The following RSPO2 variants were observed in gnomAD, a reference collection of about 807,000 sequenced individuals.
RSPO2 encodes R-spondin 2.
A neutral mutation model predicts 30.9 loss-of-function variants in RSPO2; 14 were observed. The ratio of observed to expected loss-of-function variants is 0.45; its 90% CI spans 0.30 to 0.71. RSPO2 has a LOEUF of 0.71. Among genes scored for constraint, RSPO2 ranks in the 30% least tolerant of loss-of-function variants. RSPO2 has a pLI of 0.08. For missense variants in RSPO2, 264 were observed against 301.9 expected (o/e 0.87, Z 0.93); for synonymous variants, 107 against 96.4 (o/e 1.11, Z -0.64).
chr8:107,938,646 C>T (rs1251007328), intron 5 of RSPO2, among the ~76,000 whole-genome samples: 3 of 152,148 alleles, frequency 2.0e-5, no homozygotes, highest in African/African-American at 7.2e-5. Context: ...TCCCAAGAGG[C>T]ATATAACCTC....
intron 5 of RSPO2, among the ~76,000 whole-genome samples, chr8:107,940,341 A>C (rs1812859914): frequency 6.6e-6 from 1 of 152,186 alleles, no homozygotes; most frequent in Non-Finnish European, 1.5e-5. Flanking sequence ...CCAGAAATGC[A>C]AATTATTTCT....
At chr8:107,964,375 G>C (rs749165234) in intron 3 of RSPO2, among the ~76,000 whole-genome samples, 4 of 152,190 alleles carry the variant, frequency 2.6e-5, no homozygotes, top group Admixed American at 6.5e-5. Context: ...CCCAGTAGCT[G>C]AGATTACAGG....
intron 2 of RSPO2, among the ~76,000 whole-genome samples, chr8:108,080,772 C>T (rs142118433): frequency 8.5e-5 from 13 of 152,326 alleles, no homozygotes; most frequent in Non-Finnish European, 1.5e-4. Context: ...TAATAAGGAT[C>T]TGGCAAAGGA....
intron 3 of RSPO2, among the ~76,000 whole-genome samples, chr8:107,979,750 C>A (rs181924970): frequency 3.4e-4 from 51 of 152,096 alleles, no homozygotes; most frequent in African/African-American, 1.2e-3. Flanking sequence ...AATGAACCAC[C>A]TTCTGCTGGT....
At chr8:107,972,087 T>C (rs559459003) in intron 3 of RSPO2, among the ~76,000 whole-genome samples, 17 of 152,298 alleles carry the variant, frequency 1.1e-4, no homozygotes, top group East Asian at 9.6e-4. Flanking sequence ...CAGATGATGA[T>C]AGATGTATCT....
At chr8:108,001,433 T>G (rs761823209) in intron 2 of RSPO2, among the ~76,000 whole-genome samples, 5 of 152,080 alleles carry the variant, frequency 3.3e-5, no homozygotes, top group Non-Finnish European at 5.9e-5. Context: ...TAGAAACTCT[T>G]TTGACACAAA....
intron 5 of RSPO2, among the ~76,000 whole-genome samples, chr8:107,905,268 A>G (rs899736626): frequency 6.6e-6 from 1 of 152,236 alleles, no homozygotes; most frequent in Non-Finnish European, 1.5e-5. Context: ...TAGAGTTTCC[A>G]TAATGCTGTG....
intron 2 of RSPO2, among the ~76,000 whole-genome samples, chr8:107,991,249 A>AACACACACACACACAC (rs60247229): frequency 3.0e-5 from 4 of 133,394 alleles, no homozygotes; most frequent in African/African-American, 8.4e-5. Flanking sequence ...CTCCATCTCA[A>AACACACACACACACAC]ACACACACAC....
intron 2 of RSPO2, among the ~76,000 whole-genome samples, chr8:108,063,025 A>T (rs199528998): frequency 6.6e-6 from 1 of 151,528 alleles, no homozygotes; most frequent in African/African-American, 2.4e-5. Flanking sequence ...ATTGATAGGA[A>T]GTATCTCAAA....
At chr8:107,934,858 C>T (rs1171451622) in intron 5 of RSPO2, among the ~76,000 whole-genome samples, 1 of 152,176 alleles carries the variant, frequency 6.6e-6, no homozygotes, top group Non-Finnish European at 1.5e-5. Flanking sequence ...TTTATCACTT[C>T]CCCAATCAAT....
chr8:108,018,341 G>A (rs1231079405), intron 2 of RSPO2, among the ~76,000 whole-genome samples: 1 of 152,170 alleles, frequency 6.6e-6, no homozygotes, highest in Non-Finnish European at 1.5e-5. Context: ...CATGGCACTT[G>A]TAATAAATCC....
intron 2 of RSPO2, among the ~76,000 whole-genome samples, chr8:108,057,628 G>C (rs1176971807): frequency 1.3e-5 from 2 of 151,820 alleles, no homozygotes; most frequent in African/African-American, 4.8e-5. Context: ...GACATCAATG[G>C]CTGACCCCAA....
intron 5 of RSPO2, among the ~76,000 whole-genome samples, chr8:107,953,893 A>G (rs1378011033): frequency 6.6e-6 from 1 of 152,226 alleles, no homozygotes; most frequent in East Asian, 1.9e-4. Context: ...ATAACATAGT[A>G]TACCCTGACC....
chr8:108,061,563 T>C (rs1053284824), intron 2 of RSPO2, among the ~76,000 whole-genome samples: 5 of 151,802 alleles, frequency 3.3e-5, no homozygotes, highest in Admixed American at 1.3e-4. Flanking sequence ...CAAAGAGACT[T>C]AGACTCCCAC....
intron 2 of RSPO2, among the ~76,000 whole-genome samples, chr8:108,041,203 CAAAAAA>C (rs55937336): frequency 6.0e-5 from 6 of 100,384 alleles, no homozygotes; most frequent in Non-Finnish European, 1.2e-4. Context: ...CAAAAAGTGG[CAAAAAA>C]AAAAAAAAAA....
Position 107,971,508 on chromosome 8 carries a change from C to T in RSPO2, c.284-10691G>A, listed in dbSNP as rs369204663. On this transcript the variant is annotated intron_variant, in intron 3 of 5. Coordinates refer to ENST00000276659, the MANE Select transcript of RSPO2 (RefSeq NM_178565.5). ...TGGAATAGAATTAAAACAGGGTTTA[C>T]GTCTCACAACAGGCAGCTACTGCAT... Among the ~76,000 whole-genome samples the T allele has an allele frequency of 6.6e-5, 10 of 152,236 alleles. No individual in the cohort carries two copies. In the South Asian group the frequency reaches 1.9e-3, roughly 28 times the overall value.
intron 5 of RSPO2, among the ~76,000 whole-genome samples, chr8:107,912,324 C>T (rs1408664488): frequency 6.6e-6 from 1 of 152,122 alleles, no homozygotes; most frequent in Non-Finnish European, 1.5e-5. Context: ...GCATGCAATT[C>T]TAGAGCATAA....
intron 2 of RSPO2, among the ~76,000 whole-genome samples, chr8:108,044,357 C>G (rs1369922663): frequency 6.6e-6 from 1 of 151,858 alleles, no homozygotes; most frequent in African/African-American, 2.4e-5. Context: ...AGCATAGTAC[C>G]CAACAGGTAA....
chr8:108,058,215 C>G (rs149495885), intron 2 of RSPO2, among the ~76,000 whole-genome samples: 3 of 151,996 alleles, frequency 2.0e-5, no homozygotes, highest in Admixed American at 6.6e-5. Context: ...AACAGACAAA[C>G]AGAGCCAAAT....
Sources: gnomAD v4.1 joint callset for allele counts (sites outside exome capture counted in the v4.1 genomes callset) on GRCh38, gnomAD v4.1.1 for gene constraint, MANE v1.5 for transcripts, NCBI Gene and HGNC (gene_info 2026-07-23, HGNC 2026-07-21) for gene names.